Variants in KCTD8 observed in about 807,000 individuals in gnomAD.
The protein encoded by KCTD8 is potassium channel tetramerization domain containing 8.
In KCTD8, 27 loss-of-function variants were observed where a neutral mutation model predicts 31.5. That is an observed-to-expected ratio of 0.86 (90% CI 0.63 to 1.18). KCTD8 has a LOEUF of 1.18. KCTD8 is among the 50% of genes most tolerant of loss of function. KCTD8 has a pLI of 0.00. For synonymous variants in KCTD8, 290 were observed against 280.0 expected, an observed-to-expected ratio of 1.04 and a Z score of -0.36; for missense variants, 658 against 647.7, an observed-to-expected ratio of 1.02 and a Z score of -0.17.
Position 44,362,610 on chromosome 4 carries a change from G to A in KCTD8, c.961+84953C>T, listed in dbSNP as rs190090528. 2.6e-5 allele frequency among the ~76,000 whole-genome samples: 4 copies of A among 152,084 alleles called. No homozygotes were observed. In the East Asian group the frequency reaches 7.7e-4, roughly 29 times the overall value. ...ATGAAGTGATTATAAAAATAGTCCA[G>A]GTGAGTTGAAATAGAAACCAGGGGT... On this transcript the variant is annotated intron_variant, in intron 1 of 1. Coordinates refer to ENST00000360029, the MANE Select transcript of KCTD8 (RefSeq NM_198353.3).
At chr4:44,332,489 T>C (rs1718613649) in intron 1 of KCTD8, among the ~76,000 whole-genome samples, 1 of 152,030 alleles carries the variant, frequency 6.6e-6, no homozygotes, top group Non-Finnish European at 1.5e-5. Flanking sequence ...ATTCACCATT[T>C]TTATTCTCCA....
intron 1 of KCTD8, among the ~76,000 whole-genome samples, chr4:44,225,715 G>A (rs1292772092): frequency 6.7e-6 from 1 of 150,240 alleles, no homozygotes; most frequent in East Asian, 2.0e-4. Flanking sequence ...TTTACTTTAA[G>A]TTTTGGGATA....
intron 1 of KCTD8, among the ~76,000 whole-genome samples, chr4:44,371,272 C>T (rs936923740): frequency 2.2e-4 from 33 of 152,282 alleles, no homozygotes; most frequent in Middle Eastern, 3.4e-3. Context: ...TTTTCAAATG[C>T]TAATCTCTTA....
chr4:44,264,832 TG>T (rs1265663841), intron 1 of KCTD8, among the ~76,000 whole-genome samples: 3 of 152,164 alleles, frequency 2.0e-5, no homozygotes, highest in African/African-American at 7.2e-5. Context: ...GCAGCGAGGC[TG>T]GGGGAGGGGT....
rs1721980839 is a variant in KCTD8, at chr4:44,447,765, G to C, written c.759C>G (p.Asn253Lys). ...LAKEVFGDTLNESRDPDRQPE... is the reference protein window; with the variant it reads ...LAKEVFGDTLKESRDPDRQPE... Reference sequence around the variant, plus strand: ...GCTGCCGGTCGGGGTCGCGGCTCTCGTTGAGCGTGTCCCCGAAGACCTCCT... The same window carrying C: ...GCTGCCGGTCGGGGTCGCGGCTCTCCTTGAGCGTGTCCCCGAAGACCTCCT... The change falls in exon 1 of 2, where the codon AAC becomes AAG. Residue 253 changes from asparagine (N) to lysine (K), a missense_variant. Physicochemically the swap from Asn to Lys is moderately conservative, Grantham distance 94. Coordinates refer to ENST00000360029, the MANE Select transcript of KCTD8 (RefSeq NM_198353.3). 2.5e-6 allele frequency: 4 copies of C among 1,611,418 alleles called. No homozygotes were observed. The highest frequency in any genetic ancestry group is 2.5e-6 in the Non-Finnish European group (3 of 1,178,888).
chr4:44,223,998 C>T (rs1043981957), intron 1 of KCTD8, among the ~76,000 whole-genome samples: 1 of 152,112 alleles, frequency 6.6e-6, no homozygotes. Flanking sequence ...TAAAATATTC[C>T]AAAATTCTTT....
At chr4:44,422,681 T>C (rs1390463403) in intron 1 of KCTD8, among the ~76,000 whole-genome samples, 1 of 151,940 alleles carries the variant, frequency 6.6e-6, no homozygotes, top group African/African-American at 2.4e-5. Flanking sequence ...GAAGAGGAGT[T>C]TGGGGATAGG....
At chr4:44,194,370 C>T (rs921713680) in intron 1 of KCTD8, among the ~76,000 whole-genome samples, 18 of 152,256 alleles carry the variant, frequency 1.2e-4, no homozygotes, top group Admixed American at 3.3e-4. Flanking sequence ...TCATGAAATG[C>T]TACTAATGAA....
At chr4:44,265,461 C>T (rs1716317396) in intron 1 of KCTD8, among the ~76,000 whole-genome samples, 1 of 151,996 alleles carries the variant, frequency 6.6e-6, no homozygotes, top group Admixed American at 6.6e-5. Flanking sequence ...AGCAGAAAAA[C>T]CGGAAACTCT....
intron 1 of KCTD8, among the ~76,000 whole-genome samples, chr4:44,434,309 C>T (rs888740514): frequency 2.6e-5 from 4 of 151,878 alleles, no homozygotes; most frequent in Non-Finnish European, 5.9e-5. Context: ...TGAGCCTTGA[C>T]TTTGCAAAAG....
At position 44,447,986 on chromosome 4, in the gene KCTD8, G is replaced by T; in HGVS notation, c.538C>A (p.Arg180Ser). Reference protein sequence around the residue: ...SQGSSDALLLRGAAAAVPSGP... With the variant: ...SQGSSDALLLSGAAAAVPSGP... ...GAGGGCACGGCGGCCGCCGCCCCGC[G>T]CAGCAGCAGCGCGTCGCTGCTACCC... Residue 180 changes from arginine (R) to serine (S), a missense_variant, in exon 1 of 2, where the codon CGC (arginine) becomes AGC (serine). Physicochemically the swap from Arg to Ser is moderately radical, Grantham distance 110. Coordinates refer to ENST00000360029, the MANE Select transcript of KCTD8 (RefSeq NM_198353.3). 1 of 1,548,914 alleles carries T rather than the reference G, an allele frequency of 6.5e-7. No individual in the cohort carries two copies. Among genetic ancestry groups the T allele is most frequent in the South Asian group, 1.2e-5 (1 of 83,648 alleles).
chr4:44,202,911 T>C (rs773421104), intron 1 of KCTD8, among the ~76,000 whole-genome samples: 19 of 152,074 alleles, frequency 1.2e-4, no homozygotes, highest in Non-Finnish European at 2.5e-4. Context: ...AATAGGAAAA[T>C]ATTAGCACAC....
chr4:44,428,333 T>G (rs995914414), intron 1 of KCTD8, among the ~76,000 whole-genome samples: 10 of 151,806 alleles, frequency 6.6e-5, no homozygotes, highest in African/African-American at 2.2e-4. Context: ...AGTGATGACC[T>G]CTATAGAAAA....
chr4:44,192,475 TACACAC>T (rs34405384), intron 1 of KCTD8, among the ~76,000 whole-genome samples: 18,220 of 137,070 alleles, frequency 0.13, 1,260 homozygotes, highest in East Asian at 0.23. Flanking sequence ...TAAGCAAAGA[TACACAC>T]ACACACACAC....
At chr4:44,310,851 A>G (rs536274196) in intron 1 of KCTD8, among the ~76,000 whole-genome samples, 1 of 152,234 alleles carries the variant, frequency 6.6e-6, no homozygotes, top group Admixed American at 6.5e-5. Flanking sequence ...CAGACACTAC[A>G]TATAAATTAA....
intron 1 of KCTD8, among the ~76,000 whole-genome samples, chr4:44,429,196 G>A (rs1721413899): frequency 6.6e-6 from 1 of 151,644 alleles, no homozygotes; most frequent in African/African-American, 2.4e-5. Flanking sequence ...CATCCCTTCT[G>A]GAAAGATTTA....
At chr4:44,417,707 A>G (rs73247552) in intron 1 of KCTD8, among the ~76,000 whole-genome samples, 24,583 of 102,780 alleles carry the variant, frequency 0.24, 2,212 homozygotes, top group Non-Finnish European at 0.28. Flanking sequence ...AGAAGGACTA[A>G]ATAAGTTGGC....
intron 1 of KCTD8, among the ~76,000 whole-genome samples, chr4:44,316,795 GAAAAAAAAAAAAAAA>G (rs71188270): frequency 0.2 from 7,961 of 40,598 alleles, 654 homozygotes; most frequent in Admixed American, 0.44. Context: ...CTAAAAATAC[GAAAAAAAAAAAAAAA>G]AAAAAAAAAA....
At chr4:44,223,242 T>A (rs1714858927) in intron 1 of KCTD8, among the ~76,000 whole-genome samples, 1 of 152,188 alleles carries the variant, frequency 6.6e-6, no homozygotes, top group South Asian at 2.1e-4. Flanking sequence ...GGATTTCTGT[T>A]TCTAGTGACT....
Sources: allele counts gnomAD v4.1 joint callset (sites outside exome capture counted in the v4.1 genomes callset), GRCh38; gene constraint gnomAD v4.1.1; transcripts MANE v1.5; gene names NCBI Gene and HGNC (gene_info 2026-07-23, HGNC 2026-07-21).